CORO2A: variants seen among roughly 807,000 people sequenced by gnomAD.
The protein encoded by CORO2A is coronin 2A.
A neutral mutation model predicts 62.4 loss-of-function variants in CORO2A; 47 were observed. The ratio of observed to expected loss-of-function variants is 0.75; its 90% CI spans 0.60 to 0.96. The LOEUF is 0.96. CORO2A is among the 40% of genes least tolerant of loss of function. CORO2A has a pLI of 0.00. For synonymous variants in CORO2A, 273 were observed against 268.9 expected (o/e 1.02, Z -0.15); for missense variants, 610 against 684.1 (o/e 0.89, Z 1.21).
At chr9:98,152,843 T>C (rs2118862982) in intron 2 of CORO2A, among the ~76,000 whole-genome samples, 1 of 152,290 alleles carries the variant, frequency 6.6e-6, no homozygotes, top group African/African-American at 2.4e-5. Context: ...AAAATGTTAA[T>C]ATCATGAAGT....
chr9:98,158,648 G>A (rs887224078), intron 1 of CORO2A, among the ~76,000 whole-genome samples: 2 of 152,038 alleles, frequency 1.3e-5, no homozygotes, highest in Non-Finnish European at 2.9e-5. Flanking sequence ...ACAGAGATTC[G>A]CACATGACAG....
intron 2 of CORO2A, among the ~76,000 whole-genome samples, chr9:98,145,870 G>A (rs753831797): frequency 2.0e-5 from 3 of 151,608 alleles, no homozygotes; most frequent in Admixed American, 6.6e-5. Flanking sequence ...GTGCCACCAC[G>A]CCCAGCTGAT....
intron 2 of CORO2A, among the ~76,000 whole-genome samples, chr9:98,148,410 ATAAG>A (rs1827674475): frequency 6.8e-6 from 1 of 146,690 alleles, no homozygotes; most frequent in African/African-American, 2.5e-5. Flanking sequence ...AAAAAAAAAA[ATAAG>A]ATAAATAAAT....
At chr9:98,131,722 T>A (rs1827411810) in intron 6 of CORO2A, among the ~76,000 whole-genome samples, 1 of 152,162 alleles carries the variant, frequency 6.6e-6, no homozygotes, top group Non-Finnish European at 1.5e-5. Context: ...AGAGAAAATG[T>A]GATTTGTCCA....
intron 2 of CORO2A, among the ~76,000 whole-genome samples, chr9:98,142,085 A>G (rs142207274): frequency 0.013 from 1,991 of 152,308 alleles, 23 homozygotes; most frequent in Admixed American, 0.018. Flanking sequence ...AAAAATACAG[A>G]TTTTCTGAAA....
intron 1 of CORO2A, among the ~76,000 whole-genome samples, chr9:98,173,156 A>G (rs2118914966): frequency 6.6e-6 from 1 of 152,246 alleles, no homozygotes; most frequent in East Asian, 1.9e-4. Context: ...CAAACAAACA[A>G]ACAAACTCCG....
chr9:98,176,628 T>C (rs1035798371), intron 1 of CORO2A, among the ~76,000 whole-genome samples: 1 of 152,120 alleles, frequency 6.6e-6, no homozygotes, highest in Non-Finnish European at 1.5e-5. Flanking sequence ...TGTGACTTGG[T>C]TTCCCATGTC....
intron 7 of CORO2A, among the ~76,000 whole-genome samples, chr9:98,130,332 C>G (rs1334128945): frequency 6.6e-6 from 1 of 152,168 alleles, no homozygotes; most frequent in Non-Finnish European, 1.5e-5. Flanking sequence ...AGTGATTCTC[C>G]CACCTTGGCC....
intron 1 of CORO2A, among the ~76,000 whole-genome samples, chr9:98,183,762 C>T (rs1462084937): frequency 6.6e-6 from 1 of 152,148 alleles, no homozygotes; most frequent in Non-Finnish European, 1.5e-5. Flanking sequence ...GAGTTCGAGA[C>T]CAGCCTGGCC....
At position 98,133,093 on chromosome 9, in the gene CORO2A, G is replaced by C. The variant is rs777105228; in HGVS notation, c.593C>G (p.Thr198Ser). The change falls in exon 5 of 12, where the codon ACC (threonine) becomes AGC (serine). Residue 198 changes from threonine (T) to serine (S), a missense_variant. By Grantham distance (58) the Thr-to-Ser change is moderately conservative. Transcript: ENST00000375077. Reference sequence around the variant, plus strand: ...AACCCGAATCTTGCGGTCTTTGCAGGTGGTGGCCAACAGGCTGCCGTTGGT... The same window carrying C: ...AACCCGAATCTTGCGGTCTTTGCAGCTGGTGGCCAACAGGCTGCCGTTGGT... Reference protein sequence around the residue: ...FNTNGSLLATTCKDRKIRVID... With the variant: ...FNTNGSLLATSCKDRKIRVID... The C allele has an allele frequency of 3.1e-6, 5 of 1,614,134 alleles. No individual in the cohort carries two copies. The East Asian group carries it at 1.1e-4, about 36-fold the overall frequency.
chr9:98,169,589 T>C (rs1463210732), intron 1 of CORO2A, among the ~76,000 whole-genome samples: 3 of 152,192 alleles, frequency 2.0e-5, no homozygotes, highest in Non-Finnish European at 4.4e-5. Flanking sequence ...AGTCCTCTGC[T>C]GGACTTGGGT....
At chr9:98,137,537 C>T in intron 3 of CORO2A, 35 bp downstream of exon 3, 1 of 1,561,460 alleles carries the variant, frequency 6.4e-7, no homozygotes. Context: ...TCCCACTCTT[C>T]AGGAAGGGGA....
chr9:98,132,991 G>T (rs758631936), intron 5 of CORO2A, 47 bp downstream of exon 5: 32 of 1,602,822 alleles, frequency 2.0e-5, no homozygotes, highest in Middle Eastern at 3.4e-4. Flanking sequence ...TCCCCACTCT[G>T]CTCCTTGCTC....
In CORO2A at chr9:98,121,056, TTTA is replaced by T. The variant is rs1446627922; in HGVS notation, c.*3715_*3717del. The T allele has an allele frequency of 1.3e-5, 2 of 152,380 alleles. No individual in the cohort carries two copies. The highest frequency in any genetic ancestry group is 4.8e-5 in the African/African-American group (2 of 41,592). 9.4% of individuals were successfully genotyped at this position (152,380 alleles called of 1,614,324 possible). A position where few individuals can be genotyped will look rare whatever the true frequency, so the allele number is the denominator to read the frequency against. On this transcript the variant is annotated 3_prime_UTR_variant, in exon 12 of 12. Coordinates refer to ENST00000375077, the MANE Select transcript of CORO2A (RefSeq NM_052820.4). The stretch of plus-strand genomic sequence containing the variant: ...CCACATCTATTTATTTTCACTTTTA[TTTA>T]TTATCATTATTTTTCACAAAGGTAC...
chr9:98,132,305 G>T lies in CORO2A; in HGVS notation c.649-4C>A. ...GGTGCCCTTTGTAGCTGGCCTCCTG[G>T]AGGGACACGTGCGGTCGGTATTGGA... is the stretch of plus-strand genomic sequence containing the variant. On this transcript the variant is annotated splice_polypyrimidine_tract_variant and splice_region_variant and intron_variant, in intron 5 of 11. Coordinates refer to ENST00000375077, the MANE Select transcript of CORO2A (RefSeq NM_052820.4). 1.9e-6 allele frequency: 3 copies of T among 1,612,558 alleles called. No homozygotes were observed. Among genetic ancestry groups the T allele is most frequent in the Non-Finnish European group, 2.5e-6 (3 of 1,178,798 alleles).
chr9:98,164,454 G>A (rs1433542784), intron 1 of CORO2A, among the ~76,000 whole-genome samples: 5 of 152,166 alleles, frequency 3.3e-5, no homozygotes, highest in Admixed American at 6.5e-5. Context: ...GGGATATCTG[G>A]CTCTGAAATC....
intron 1 of CORO2A, among the ~76,000 whole-genome samples, chr9:98,177,458 T>TTTTG (rs1491289841): frequency 2.8e-5 from 1 of 35,746 alleles, no homozygotes; most frequent in African/African-American, 3.5e-4. Flanking sequence ...CCAAACTTTG[T>TTTTG]TTTTTTTTTT....
At chr9:98,163,747 A>T (rs199540896) in intron 1 of CORO2A, among the ~76,000 whole-genome samples, 2,398 of 118,844 alleles carry the variant, frequency 0.02, 15 homozygotes, top group East Asian at 0.036. Context: ...TGTGTGAGAG[A>T]GAGAGAGAGA....
At chr9:98,145,453 C>G (rs1184576830) in intron 2 of CORO2A, among the ~76,000 whole-genome samples, 1 of 152,100 alleles carries the variant, frequency 6.6e-6, no homozygotes, top group Admixed American at 6.5e-5. Context: ...ATGAACAAAC[C>G]CCTAGAACTG....
Sources: allele counts gnomAD v4.1 joint callset (sites outside exome capture counted in the v4.1 genomes callset), GRCh38; gene constraint gnomAD v4.1.1; transcripts MANE v1.5; gene names NCBI Gene and HGNC (gene_info 2026-07-23, HGNC 2026-07-21).